Variants in TSHR observed in about 807,000 individuals in gnomAD.
TSHR encodes the protein thyroid stimulating hormone receptor, also known as thyrotropin receptor.
TSHR carries 51 observed loss-of-function variants against 64.1 expected under a neutral mutation model. The observed-to-expected ratio is 0.80, with a 90% confidence interval of 0.64 to 1.01. The LOEUF is 1.01. Among genes scored for constraint, TSHR ranks in the 50% least tolerant of loss-of-function variants. The probability of loss-of-function intolerance (pLI) is 0.00; values close to 1 mark genes in which losing one functional copy is unlikely to be tolerated. For synonymous variants in TSHR, 361 were observed against 361.9 expected, an observed-to-expected ratio of 1.00 and a Z score of 0.03; for missense variants, 877 against 942.8, an observed-to-expected ratio of 0.93 and a Z score of 0.91.
chr14:81,138,697 A>G (rs1249164065), intron 8 of TSHR, among the ~76,000 whole-genome samples: 3 of 152,136 alleles, frequency 2.0e-5, no homozygotes, highest in Admixed American at 1.3e-4. Context: ...TCCAATTACA[A>G]CGATGTGGGG....
chr14:81,006,793 G>A (rs940578734), intron 1 of TSHR, among the ~76,000 whole-genome samples: 4 of 152,256 alleles, frequency 2.6e-5, no homozygotes, highest in African/African-American at 7.2e-5. Context: ...GATTACAGGC[G>A]TGAGTTAACA....
chr14:81,009,819 C>T (rs937381327), intron 1 of TSHR, among the ~76,000 whole-genome samples: 16 of 152,150 alleles, frequency 1.1e-4, no homozygotes, highest in African/African-American at 3.9e-4. Context: ...TTGAGTCTTG[C>T]AAAGGTTGCT....
intron 8 of TSHR, among the ~76,000 whole-genome samples, chr14:81,138,264 C>T (rs1467046231): frequency 6.7e-6 from 1 of 148,388 alleles, no homozygotes; most frequent in Non-Finnish European, 1.5e-5. Flanking sequence ...GGTCTCAGCT[C>T]ACTGCAACTT....
chr14:80,975,616 G>A (rs1177825891), intron 1 of TSHR, among the ~76,000 whole-genome samples: 1 of 152,136 alleles, frequency 6.6e-6, no homozygotes, highest in African/African-American at 2.4e-5. Context: ...TTAGCTTGGT[G>A]CAATCTGGCT....
chr14:81,107,651 AAGGTTGATG>A (rs1422722131), intron 7 of TSHR, among the ~76,000 whole-genome samples: 1 of 152,106 alleles, frequency 6.6e-6, no homozygotes, highest in African/African-American at 2.4e-5. Context: ...TCTTCCATGG[AAGGTTGATG>A]AGATTACTCT....
At chr14:81,059,361 G>A (rs958206498) in intron 1 of TSHR, among the ~76,000 whole-genome samples, 3 of 152,146 alleles carry the variant, frequency 2.0e-5, no homozygotes, top group South Asian at 4.1e-4. Flanking sequence ...ATGAATTTTA[G>A]AGAGGCAACC....
At chr14:81,043,614 C>T (rs1885027213) in intron 1 of TSHR, among the ~76,000 whole-genome samples, 1 of 152,032 alleles carries the variant, frequency 6.6e-6, no homozygotes, top group Non-Finnish European at 1.5e-5. Context: ...CCAAACAGAG[C>T]CCAAATAGCC....
chr14:80,999,346 C>A (rs117368236), intron 1 of TSHR, among the ~76,000 whole-genome samples: 113 of 152,304 alleles, frequency 7.4e-4, no homozygotes, highest in Non-Finnish European at 1.4e-3. Flanking sequence ...AGACTTTCCT[C>A]CTCTTCACCA....
At position 81,080,090 on chromosome 14, in the gene TSHR, C is replaced by G. The variant is rs548459376; in HGVS notation, c.318-7864C>G. On this transcript the variant is annotated intron_variant, in intron 3 of 9. Transcript: ENST00000298171. ...GCCTCAGACTCCCAAGTAGCTAGGA[C>G]TACAGGCGTGTGCCACCATGCCCAG... Among the ~76,000 whole-genome samples the G allele has an allele frequency of 3.3e-5, 5 of 152,088 alleles. No individual in the cohort carries two copies. In the South Asian group the frequency reaches 1.0e-3, roughly 32 times the overall value.
chr14:80,979,747 C>G (rs1018619395), intron 1 of TSHR, among the ~76,000 whole-genome samples: 1 of 152,168 alleles, frequency 6.6e-6, no homozygotes, highest in East Asian at 1.9e-4. Flanking sequence ...TCACTCATCC[C>G]TAATATCAAA....
chr14:80,973,343 C>T (rs905294582), intron 1 of TSHR, among the ~76,000 whole-genome samples: 24 of 140,534 alleles, frequency 1.7e-4, no homozygotes, highest in African/African-American at 6.3e-4. Flanking sequence ...GGGGCGGAGC[C>T]TGCAGTGAGC....
chr14:81,108,974 T>G, intron 8 of TSHR: 1 of 1,299,228 alleles, frequency 7.7e-7, no homozygotes, highest in Non-Finnish European at 9.8e-7. Flanking sequence ...TTCCTTTGAT[T>G]TACACCCCCA....
At chr14:81,093,478 T>G (rs1194554968) in intron 6 of TSHR, 1 of 152,300 alleles carries the variant, frequency 6.6e-6, no homozygotes, top group Non-Finnish European at 1.5e-5. Context: ...AGTTCAAGCC[T>G]GGTGAAGTTT....
chr14:81,069,787 G>C (rs1259270154), intron 3 of TSHR, among the ~76,000 whole-genome samples: 4 of 152,040 alleles, frequency 2.6e-5, no homozygotes, highest in Non-Finnish European at 4.4e-5. Flanking sequence ...AAAATAACTC[G>C]AGTTTGTGGG....
intron 1 of TSHR, among the ~76,000 whole-genome samples, chr14:80,981,578 A>T (rs1888172406): frequency 6.6e-6 from 1 of 152,128 alleles, no homozygotes; most frequent in African/African-American, 2.4e-5. Flanking sequence ...GAGCAGGCTG[A>T]CATAGGTGGT....
intron 1 of TSHR, among the ~76,000 whole-genome samples, chr14:81,011,093 A>G (rs4903965): frequency 0.53 from 80,171 of 152,102 alleles, 24,277 homozygotes; most frequent in Non-Finnish European, 0.67. Context: ...AGGAACTAAC[A>G]TGACTGAGTT....
Position 81,114,473 on chromosome 14 carries a change from G to C in TSHR, c.692+6021G>C, listed in dbSNP as rs569164894. On this transcript the variant is annotated intron_variant, in intron 8 of 9. Coordinates refer to ENST00000298171, the MANE Select transcript of TSHR (RefSeq NM_000369.5). ...ACCCGAATACTGCGCTTTTCCGACG[G>C]GCTTAAAAAACGGCGCACCACGAGA... 1.4e-3 allele frequency among the ~76,000 whole-genome samples: 214 copies of C among 152,290 alleles called. 1 individual carries two copies. The highest frequency in any genetic ancestry group is 5.0e-3 in the African/African-American group (206 of 41,568).
chr14:81,080,226 AC>A (rs1887803602), intron 3 of TSHR, among the ~76,000 whole-genome samples: 1 of 152,282 alleles, frequency 6.6e-6, no homozygotes, highest in Admixed American at 6.5e-5. Flanking sequence ...TCCTGGGATT[AC>A]AGGTGTGAGC....
chr14:80,982,549 C>A, intron 1 of TSHR: 1 of 1,017,824 alleles, frequency 9.8e-7, no homozygotes, highest in Non-Finnish European at 1.4e-6. Context: ...TAGTTTTGAC[C>A]CTAATCCTCA....
Sources: gnomAD v4.1 joint callset for allele counts (sites outside exome capture counted in the v4.1 genomes callset) on GRCh38, gnomAD v4.1.1 for gene constraint, MANE v1.5 for transcripts, NCBI Gene and HGNC (gene_info 2026-07-23, HGNC 2026-07-21) for gene names.